The following ZNF10 variants were observed in gnomAD, a reference collection of about 807,000 sequenced individuals.
ZNF10 encodes zinc finger protein 10 (KOX 1).
ZNF10 carries 8 observed loss-of-function variants against 12.2 expected under a neutral mutation model. That is an observed-to-expected ratio of 0.66 (90% confidence interval 0.39 to 1.18). The LOEUF is 1.18. ZNF10 is among the 50% of genes most tolerant of loss of function. The pLI is 0.01. For synonymous variants in ZNF10, 229 were observed against 228.2 expected (o/e 1.00, Z -0.03); for missense variants, 603 against 678.9 (o/e 0.89, Z 1.24).
In ZNF10 at chr12:133,156,614, T is replaced by G. The variant is rs760231219; in HGVS notation, c.1368T>G (p.Thr456=). 1.2e-6 allele frequency: 2 copies of G among 1,614,076 alleles called. No individual in the cohort carries two copies. Among genetic ancestry groups the G allele is most frequent in the East Asian group, 4.5e-5 (2 of 44,878 alleles). Residue 456 remains threonine, a synonymous_variant, in exon 5 of 5, where the codon ACT becomes ACG. Transcript: ENST00000248211. ...SHLYSHQRTH[T]GEKPYECHDC... ...TTTATTCACATCAAAGAACCCACAC[T>G]GGAGAGAAACCATATGAGTGTCATG...
chr12:133,156,793 C>T lies in ZNF10; in HGVS notation c.1547C>T (p.Thr516Ile), dbSNP rs1426878011. The change falls in exon 5 of 5, where the codon ACC (threonine) becomes ATC (isoleucine). Residue 516 changes from threonine to isoleucine, a missense_variant. Coordinates refer to ENST00000248211, the MANE Select transcript of ZNF10 (RefSeq NM_015394.5). ...CAGAGAATTCATGTTGGAGAAGAGA[C>T]CTATAAATGTAATCAATGTGGCATT... ...KHQRIHVGEE[T>I]YKCNQCGIIF... The T allele has an allele frequency of 1.3e-6, 2 of 1,567,094 alleles. No individual in the cohort carries two copies. The highest frequency in any genetic ancestry group is 2.7e-5 in the African/African-American group (2 of 72,942).
At chr12:133,132,960 T>A (rs1417328836) in intron 1 of ZNF10, among the ~76,000 whole-genome samples, 1 of 150,754 alleles carries the variant, frequency 6.6e-6, no homozygotes, top group Non-Finnish European at 1.5e-5. Context: ...CATCAGTTCA[T>A]TGTATTTTTA....
chr12:133,143,362 T>G (rs1199558525), intron 1 of ZNF10, among the ~76,000 whole-genome samples: 1 of 152,076 alleles, frequency 6.6e-6, no homozygotes. Context: ...TTACTGCAAT[T>G]TAAAAAATTA....
chr12:133,131,081 C>T (rs1445291247), intron 1 of ZNF10: 1 of 152,102 alleles, frequency 6.6e-6, no homozygotes. Context: ...TTCCATTTTT[C>T]CCCCCAGCTG....
intron 1 of ZNF10, among the ~76,000 whole-genome samples, chr12:133,131,323 C>T (rs1416538325): frequency 1.2e-5 from 1 of 84,678 alleles, no homozygotes; most frequent in Non-Finnish European, 2.6e-5. Flanking sequence ...TTTATTTTCC[C>T]TTGACACTAG....
rs778482332 is a variant in ZNF10 at position 133,158,062 on chromosome 12, A to G, written c.*1094A>G. ...GTTTAAGAGCGTAGACTTGAGCTAG[A>G]CTACCCAGGTTGAAACCCCACTAGC... On this transcript the variant is annotated 3_prime_UTR_variant, in exon 5 of 5. Transcript: ENST00000248211. The G allele has an allele frequency of 2.6e-5, 4 of 152,218 alleles. No individual in the cohort carries two copies. Among genetic ancestry groups the G allele is most frequent in the Non-Finnish European group, 1.5e-5 (1 of 68,050 alleles). 9.4% of individuals were successfully genotyped at this position (152,218 alleles called of 1,614,324 possible). A position where few individuals can be genotyped will look rare whatever the true frequency, so the allele number is the denominator to read the frequency against.
In ZNF10 at chr12:133,137,023, C is replaced by T. The variant is rs540414169; in HGVS notation, c.-60+6269C>T. On this transcript the variant is annotated intron_variant, in intron 1 of 4. Coordinates refer to ENST00000248211, the MANE Select transcript of ZNF10 (RefSeq NM_015394.5). Reference sequence around the variant, plus strand: ...CGCATCATTTCTCTAGTACGTAACCCTTCTGATATTGTTCTCCATTTAGTC... The same window carrying T: ...CGCATCATTTCTCTAGTACGTAACCTTTCTGATATTGTTCTCCATTTAGTC... 3.4e-4 allele frequency among the ~76,000 whole-genome samples: 52 copies of T among 152,224 alleles called. 1 individual carries two copies. The South Asian group carries it at 4.6e-3, about 13-fold the overall frequency.
At chr12:133,131,228 CAG>C (rs1955873312) in intron 1 of ZNF10, among the ~76,000 whole-genome samples, 1 of 151,954 alleles carries the variant, frequency 6.6e-6, no homozygotes. Flanking sequence ...GTTTTTTAAT[CAG>C]ATAGATTAAC....
intron 1 of ZNF10, among the ~76,000 whole-genome samples, chr12:133,131,267 AT>A (rs147236631): frequency 4.6e-5 from 7 of 151,640 alleles, no homozygotes; most frequent in South Asian, 2.1e-4. Flanking sequence ...TGGTTAATCT[AT>A]TTTTTTTATT....
intron 3 of ZNF10, among the ~76,000 whole-genome samples, chr12:133,151,458 A>G (rs1956006932): frequency 6.6e-6 from 1 of 152,138 alleles, no homozygotes; most frequent in Admixed American, 6.5e-5. Flanking sequence ...ATCCTGACCA[A>G]CATGGTGAAA....
chr12:133,151,285 G>T, intron 3 of ZNF10, 131 bp downstream of exon 3: 2 of 936,404 alleles, frequency 2.1e-6, no homozygotes, highest in Non-Finnish European at 3.0e-6. Context: ...CATAGAACAG[G>T]GTTTTTTTAC....
intron 2 of ZNF10, among the ~76,000 whole-genome samples, chr12:133,147,696 T>C (rs188932026): frequency 8.6e-4 from 129 of 150,592 alleles, no homozygotes; most frequent in South Asian, 1.9e-3. Flanking sequence ...CACTGCAACG[T>C]TTGCCTTCTC....
intron 1 of ZNF10, among the ~76,000 whole-genome samples, chr12:133,142,424 A>AAAAAG (rs1955950959): frequency 6.6e-6 from 1 of 150,866 alleles, no homozygotes; most frequent in Non-Finnish European, 1.5e-5. Flanking sequence ...AAAAAAAAAA[A>AAAAAG]AAAAGTGGGA....
At chr12:133,145,093 A>T in intron 2 of ZNF10, 1 of 271,664 alleles carries the variant, frequency 3.7e-6, no homozygotes. Context: ...TGTGTTAGCC[A>T]GTCTCAATAT....
intron 1 of ZNF10, among the ~76,000 whole-genome samples, chr12:133,135,566 C>A (rs1955906139): frequency 6.6e-6 from 1 of 152,212 alleles, no homozygotes; most frequent in Admixed American, 6.5e-5. Flanking sequence ...CAGACTTCCA[C>A]TCATGACCCA....
intron 1 of ZNF10, among the ~76,000 whole-genome samples, chr12:133,136,897 A>G (rs1955915368): frequency 6.6e-6 from 1 of 152,202 alleles, no homozygotes; most frequent in Admixed American, 6.5e-5. Flanking sequence ...GATGATGTAC[A>G]TCTGGATAAC....
chr12:133,151,953 G>T, intron 4 of ZNF10, 49 bp downstream of exon 4: 1 of 1,473,088 alleles, frequency 6.8e-7, no homozygotes, highest in South Asian at 1.1e-5. Flanking sequence ...GATGGGCTGT[G>T]AGGTGCCAGA....
At position 133,151,885 on chromosome 12, in the gene ZNF10, T is replaced by C. The variant is rs1490187156; in HGVS notation, c.237T>C (p.Ile79=). ...GEEPWLVERE[I]HQETHPDSET... ...AGCCCTGGCTGGTGGAGAGAGAAAT[T>C]CACCAAGAGACCCATCCTGGTGAGG... Residue 79 remains isoleucine (I), a synonymous_variant, in exon 4 of 5, where the codon ATT becomes ATC. Transcript: ENST00000248211. 6.2e-7 allele frequency: 1 copy of C among 1,613,194 alleles called. No individual in the cohort carries two copies. Among genetic ancestry groups the C allele is most frequent in the Non-Finnish European group, 8.5e-7 (1 of 1,179,498 alleles).
intron 4 of ZNF10, among the ~76,000 whole-genome samples, chr12:133,153,356 G>T (rs75015233): frequency 0.016 from 2,465 of 152,180 alleles, 51 homozygotes; most frequent in African/African-American, 0.056. Context: ...TGGCATGGTT[G>T]TATTACATAA....
Sources: allele counts gnomAD v4.1 joint callset (sites outside exome capture counted in the v4.1 genomes callset), GRCh38; gene constraint gnomAD v4.1.1; transcripts MANE v1.5; gene names NCBI Gene and HGNC (gene_info 2026-07-23, HGNC 2026-07-21).